KALRN: variants seen among roughly 807,000 people sequenced by gnomAD.
KALRN encodes kalirin.
A neutral mutation model predicts 353.7 loss-of-function variants in KALRN; 70 were observed. The observed-to-expected ratio is 0.20, with a 90% CI of 0.16 to 0.24. KALRN has a LOEUF of 0.24. Ranked by LOEUF, KALRN falls within the 10% of genes least tolerant of loss-of-function variation. The pLI is 1.00. For missense variants in KALRN, 2,791 were observed against 3,756.7 expected (o/e 0.74, Z 6.72); for synonymous variants, 1,391 against 1,434.8 (o/e 0.97, Z 0.69).
At chr3:124,427,889 A>G (rs1242630745) in intron 15 of KALRN, among the ~76,000 whole-genome samples, 1 of 152,254 alleles carries the variant, frequency 6.6e-6, no homozygotes, top group African/African-American at 2.4e-5. Context: ...CAATGTTAAT[A>G]TTCATTTTAC....
At chr3:124,410,526 G>A (rs1329586259) in intron 13 of KALRN, among the ~76,000 whole-genome samples, 1 of 152,044 alleles carries the variant, frequency 6.6e-6, no homozygotes, top group Non-Finnish European at 1.5e-5. Context: ...TTTTAAAAAG[G>A]GCAGAAGACT....
At chr3:124,444,981 A>G (rs2093789238) in intron 19 of KALRN, among the ~76,000 whole-genome samples, 1 of 152,174 alleles carries the variant, frequency 6.6e-6, no homozygotes, top group Non-Finnish European at 1.5e-5. Context: ...CAAGCACTTC[A>G]CTTTGGGTTG....
chr3:124,185,910 G>A (rs1187793892), intron 1 of KALRN, among the ~76,000 whole-genome samples: 1 of 152,214 alleles, frequency 6.6e-6, no homozygotes, highest in East Asian at 1.9e-4. Context: ...GCAACAGGCA[G>A]GTGCTGGGTG....
intron 5 of KALRN, among the ~76,000 whole-genome samples, chr3:124,279,620 C>A (rs918260212): frequency 6.6e-6 from 1 of 152,172 alleles, no homozygotes; most frequent in Non-Finnish European, 1.5e-5. Context: ...GTATTAGACA[C>A]AAGGTCAGCT....
At chr3:124,583,177 A>C (rs1294827175) in intron 34 of KALRN, among the ~76,000 whole-genome samples, 1 of 152,142 alleles carries the variant, frequency 6.6e-6, no homozygotes, top group African/African-American at 2.4e-5. Context: ...TTGTCCCATG[A>C]GTGTGTTTCT....
intron 1 of KALRN, among the ~76,000 whole-genome samples, chr3:124,070,488 C>T (rs2059965083): frequency 1.3e-5 from 2 of 152,202 alleles, no homozygotes; most frequent in East Asian, 3.8e-4. Context: ...TAGCATGTCC[C>T]ACTACCTGTG....
intron 33 of KALRN, among the ~76,000 whole-genome samples, chr3:124,556,943 A>G (rs1337285377): frequency 1.3e-5 from 2 of 152,234 alleles, no homozygotes; most frequent in Admixed American, 6.5e-5. Context: ...CCTCTTAAAA[A>G]ATTTTTTACT....
chr3:124,124,262 A>G (rs996537521), intron 1 of KALRN, among the ~76,000 whole-genome samples: 2 of 152,232 alleles, frequency 1.3e-5, no homozygotes, highest in African/African-American at 4.8e-5. Context: ...AAAGGGTTCA[A>G]GGCTTCAGTG....
intron 3 of KALRN, among the ~76,000 whole-genome samples, chr3:124,237,652 C>T (rs1485148016): frequency 6.6e-6 from 1 of 152,172 alleles, no homozygotes; most frequent in African/African-American, 2.4e-5. Context: ...CATGAGCCAC[C>T]TCTCCTGACC....
intron 34 of KALRN, among the ~76,000 whole-genome samples, chr3:124,619,752 G>T (rs2079069981): frequency 6.6e-6 from 1 of 152,028 alleles, no homozygotes; most frequent in Non-Finnish European, 1.5e-5. Context: ...CTCCCAAAGT[G>T]CTGGGATTAC....
intron 1 of KALRN, among the ~76,000 whole-genome samples, chr3:124,206,582 T>C (rs1243194446): frequency 1.3e-5 from 2 of 152,210 alleles, no homozygotes; most frequent in Non-Finnish European, 2.9e-5. Context: ...GACGACTTCT[T>C]GTGCTTATTG....
At chr3:124,164,086 C>T in intron 1 of KALRN, 1 of 586,270 alleles carries the variant, frequency 1.7e-6, no homozygotes, top group African/African-American at 2.0e-5. Flanking sequence ...TGGACAGTGA[C>T]CTTGGCTGAG....
intron 33 of KALRN, among the ~76,000 whole-genome samples, chr3:124,499,564 T>G (rs570728998): frequency 1.1e-4 from 16 of 152,200 alleles, no homozygotes; most frequent in African/African-American, 3.6e-4. Context: ...GTGGTTTTAT[T>G]GTTTATTAAC....
intron 37 of KALRN, among the ~76,000 whole-genome samples, chr3:124,641,341 G>T (rs991237834): frequency 2.6e-5 from 4 of 152,150 alleles, no homozygotes; most frequent in Non-Finnish European, 1.5e-5. Flanking sequence ...TCCCCAGATA[G>T]AACTAACACA....
chr3:124,068,013 C>A (rs1278738027), intron 1 of KALRN, among the ~76,000 whole-genome samples: 1 of 152,212 alleles, frequency 6.6e-6, no homozygotes, highest in Non-Finnish European at 1.5e-5. Flanking sequence ...GAGGTCAAAC[C>A]ATGGGTCTGA....
chr3:124,346,159 C>G (rs2082241295), intron 9 of KALRN, among the ~76,000 whole-genome samples: 1 of 152,116 alleles, frequency 6.6e-6, no homozygotes, highest in Non-Finnish European at 1.5e-5. Context: ...TTACTGAGCG[C>G]CAACTCTTCA....
At chr3:124,136,089 A>G (rs2065885228) in intron 1 of KALRN, among the ~76,000 whole-genome samples, 1 of 152,112 alleles carries the variant, frequency 6.6e-6, no homozygotes, top group Admixed American at 6.5e-5. Flanking sequence ...CACACCTAGA[A>G]ATTCTAATGA....
intron 6 of KALRN, among the ~76,000 whole-genome samples, chr3:124,303,632 G>A (rs938125032): frequency 2.6e-5 from 4 of 152,120 alleles, no homozygotes; most frequent in Admixed American, 6.5e-5. Context: ...GGTTCTTTGG[G>A]AAAAATAAAT....
At chr3:124,224,195 GT>G (rs552753295) in intron 1 of KALRN, among the ~76,000 whole-genome samples, 44 of 145,742 alleles carry the variant, frequency 3.0e-4, no homozygotes, top group African/African-American at 7.3e-4. Flanking sequence ...GGGCTTAGGG[GT>G]TTTTTTTTTA....
Sources: gnomAD v4.1 joint callset for allele counts (sites outside exome capture counted in the v4.1 genomes callset) on GRCh38, gnomAD v4.1.1 for gene constraint, MANE v1.5 for transcripts, NCBI Gene and HGNC (gene_info 2026-07-23, HGNC 2026-07-21) for gene names.